Variants in CNTN4 observed in about 807,000 individuals in gnomAD.
CNTN4 encodes the protein contactin-4.
CNTN4 carries 77 observed loss-of-function variants against 122.5 expected under a neutral mutation model. That is an observed-to-expected ratio of 0.63 (90% CI 0.52 to 0.76). CNTN4 has a LOEUF of 0.76. CNTN4 is among the 30% of genes least tolerant of loss of function. The probability of loss-of-function intolerance (pLI) is 0.00; values close to 1 mark genes in which losing one functional copy is unlikely to be tolerated. For synonymous variants in CNTN4, 512 were observed against 447.0 expected (o/e 1.15, Z -1.83); for missense variants, 1,256 against 1,259.1 (o/e 1.00, Z 0.04).
At chr3:2,300,386 C>T (rs1474674609) in intron 2 of CNTN4, among the ~76,000 whole-genome samples, 1 of 151,986 alleles carries the variant, frequency 6.6e-6, no homozygotes. Flanking sequence ...GTTGGGAAAG[C>T]TTTGCATGTT....
At chr3:2,365,730 A>AAT (rs1290262946) in intron 3 of CNTN4, among the ~76,000 whole-genome samples, 4 of 152,278 alleles carry the variant, frequency 2.6e-5, no homozygotes, top group South Asian at 2.1e-4. Context: ...TAAATAAAAA[A>AAT]ATATATATAT....
intron 4 of CNTN4, among the ~76,000 whole-genome samples, chr3:2,591,219 A>T (rs1168260085): frequency 6.6e-6 from 1 of 152,150 alleles, no homozygotes; most frequent in African/African-American, 2.4e-5. Flanking sequence ...CATTGTCCAG[A>T]TGTTCAATAA....
In CNTN4 at chr3:2,385,443, A is replaced by G. The variant is rs2046215122; in HGVS notation, c.-89+46210A>G. Among the ~76,000 whole-genome samples the G allele has an allele frequency of 6.6e-6, 1 of 152,060 alleles. No individual in the cohort carries two copies. Among genetic ancestry groups the G allele is most frequent in the Non-Finnish European group, 1.5e-5 (1 of 68,036 alleles). The stretch of plus-strand genomic sequence containing the variant: ...ATTCCTGGTGTCTTGTTCATAGCAG[A>G]TGCTTGTATTAGTTTCTTAGGACTG... On this transcript the variant is annotated intron_variant, in intron 3 of 24. Coordinates refer to ENST00000418658, the MANE Select transcript of CNTN4 (RefSeq NM_175607.3). The surrounding 1 kb of genome is among the most constrained non-coding windows in gnomAD (Gnocchi z 4.0).
At chr3:2,447,665 A>G (rs1461030052) in intron 3 of CNTN4, among the ~76,000 whole-genome samples, 1 of 152,146 alleles carries the variant, frequency 6.6e-6, no homozygotes, top group Non-Finnish European at 1.5e-5. Context: ...AGATATATGT[A>G]CATATTCTGA....
chr3:2,536,429 T>A (rs2077808682), intron 3 of CNTN4, among the ~76,000 whole-genome samples: 1 of 152,146 alleles, frequency 6.6e-6, no homozygotes, highest in Non-Finnish European at 1.5e-5. Flanking sequence ...TTAATTCACA[T>A]TTTTGGAAGA....
chr3:2,147,802 G>A (rs190946607), intron 2 of CNTN4, among the ~76,000 whole-genome samples: 2 of 152,238 alleles, frequency 1.3e-5, no homozygotes, highest in Non-Finnish European at 2.9e-5. Context: ...GCTTTGATCA[G>A]ACAAGATGGC....
At chr3:2,974,433 G>A (rs78695275) in intron 13 of CNTN4, among the ~76,000 whole-genome samples, 1 of 152,130 alleles carries the variant, frequency 6.6e-6, no homozygotes, top group Admixed American at 6.6e-5. Flanking sequence ...TGTTTCATGG[G>A]AATTTTTACA....
intron 8 of CNTN4, among the ~76,000 whole-genome samples, chr3:2,869,794 G>T (rs75690977): frequency 6.6e-6 from 1 of 152,150 alleles, no homozygotes; most frequent in Non-Finnish European, 1.5e-5. Flanking sequence ...GTTGGATTAA[G>T]CTACATTATA....
chr3:2,108,132 A>G (rs1432205420), intron 2 of CNTN4, among the ~76,000 whole-genome samples: 10 of 149,320 alleles, frequency 6.7e-5, no homozygotes, highest in African/African-American at 2.0e-4. Flanking sequence ...TAACAATCTA[A>G]TCACCCATCC....
intron 13 of CNTN4, among the ~76,000 whole-genome samples, chr3:2,970,881 G>C (rs899934879): frequency 6.6e-6 from 1 of 152,116 alleles, no homozygotes; most frequent in Admixed American, 6.5e-5. Context: ...TCCGCCTCCT[G>C]GGTTCAAGTG....
chr3:2,875,290 T>C (rs1179820177), intron 8 of CNTN4, among the ~76,000 whole-genome samples: 1 of 152,154 alleles, frequency 6.6e-6, no homozygotes, highest in Non-Finnish European at 1.5e-5. Context: ...GACAGTTGTA[T>C]CTTATCTTTA....
intron 7 of CNTN4, among the ~76,000 whole-genome samples, chr3:2,864,141 T>C (rs1458732557): frequency 6.6e-6 from 1 of 152,202 alleles, no homozygotes; most frequent in African/African-American, 2.4e-5. Flanking sequence ...CTTTAGAGAA[T>C]TCAAAGTGCT....
At chr3:2,893,504 A>C (rs1434302838) in intron 10 of CNTN4, among the ~76,000 whole-genome samples, 1 of 152,224 alleles carries the variant, frequency 6.6e-6, no homozygotes, top group East Asian at 1.9e-4. Flanking sequence ...CTTAAGATAA[A>C]GTCAACAATT....
chr3:2,979,024 C>T lies in CNTN4; in HGVS notation c.1359-9321C>T, dbSNP rs376451108. Among the ~76,000 whole-genome samples the T allele has an allele frequency of 4.1e-4, 63 of 152,266 alleles. No individual in the cohort carries two copies. In the South Asian group the frequency reaches 0.012, roughly 30 times the overall value. The stretch of plus-strand genomic sequence containing the variant: ...ACCACTTCACTTTTGGAACAGAAAA[C>T]GGGTACTTTTCAAAGGTAGAGGAGG... On this transcript the variant is annotated intron_variant, in intron 13 of 24. Coordinates refer to ENST00000418658, the MANE Select transcript of CNTN4 (RefSeq NM_175607.3).
intron 2 of CNTN4, among the ~76,000 whole-genome samples, chr3:2,156,128 G>A (rs939631646): frequency 6.6e-6 from 1 of 152,062 alleles, no homozygotes; most frequent in African/African-American, 2.4e-5. Flanking sequence ...AGGGTGAAGA[G>A]CAAAAATGCT....
intron 3 of CNTN4, among the ~76,000 whole-genome samples, chr3:2,353,424 T>C (rs542176975): frequency 6.6e-6 from 1 of 152,248 alleles, no homozygotes; most frequent in East Asian, 1.9e-4. Context: ...CCTTCCACAT[T>C]GTGGAAGCTT....
chr3:3,015,008 C>A (rs1330714000), intron 14 of CNTN4, among the ~76,000 whole-genome samples: 2 of 150,296 alleles, frequency 1.3e-5, no homozygotes, highest in Non-Finnish European at 3.0e-5. Context: ...TTCTTCCTTA[C>A]AAGAGTGAGT....
intron 6 of CNTN4, among the ~76,000 whole-genome samples, chr3:2,810,869 C>T (rs909293643): frequency 6.6e-6 from 1 of 151,994 alleles, no homozygotes; most frequent in African/African-American, 2.4e-5. Context: ...AAGAGGGTGA[C>T]AAAAAACTCA....
At chr3:2,397,195 C>G (rs1296073858) in intron 3 of CNTN4, among the ~76,000 whole-genome samples, 1 of 152,102 alleles carries the variant, frequency 6.6e-6, no homozygotes, top group Non-Finnish European at 1.5e-5. Flanking sequence ...TGAAGTTGTG[C>G]TAAAGATACA....
Sources: gnomAD v4.1 joint callset for allele counts (sites outside exome capture counted in the v4.1 genomes callset) on GRCh38, gnomAD v4.1.1 for gene constraint, Gnocchi (gnomAD v3.1) non-coding constraint, MANE v1.5 for transcripts, NCBI Gene and HGNC (gene_info 2026-07-23, HGNC 2026-07-21) for gene names.